The following OSBPL1A variants were observed in gnomAD, a reference collection of about 807,000 sequenced individuals.
OSBPL1A encodes the protein oxysterol binding protein like 1A.
In OSBPL1A, 80 loss-of-function variants were observed where a neutral mutation model predicts 137.1. That is an observed-to-expected ratio of 0.58 (90% confidence interval 0.49 to 0.70). The LOEUF is 0.70. Ranked by LOEUF, OSBPL1A falls within the 30% of genes least tolerant of loss-of-function variation. OSBPL1A has a pLI of 0.00. For missense variants in OSBPL1A, 970 were observed against 1,129.4 expected, an observed-to-expected ratio of 0.86 and a Z score of 2.02; for synonymous variants, 365 against 389.7, an observed-to-expected ratio of 0.94 and a Z score of 0.75.
At chr18:24,202,372 T>G (rs948947920) in intron 17 of OSBPL1A, among the ~76,000 whole-genome samples, 3 of 152,256 alleles carry the variant, frequency 2.0e-5, no homozygotes, top group Admixed American at 6.5e-5. Flanking sequence ...TTTTTTAAAT[T>G]GTTATTTTTA....
At chr18:24,210,592 G>A (rs1421518567) in intron 17 of OSBPL1A, among the ~76,000 whole-genome samples, 2 of 150,176 alleles carry the variant, frequency 1.3e-5, no homozygotes. Context: ...GGAATACGGT[G>A]GCACGATCAT....
chr18:24,341,205 C>T (rs530857062), intron 5 of OSBPL1A, among the ~76,000 whole-genome samples: 1 of 152,220 alleles, frequency 6.6e-6, no homozygotes, highest in South Asian at 2.1e-4. Context: ...AGGGGTTTCG[C>T]CATGTTGCCC....
intron 15 of OSBPL1A, among the ~76,000 whole-genome samples, chr18:24,278,440 A>C (rs2089891965): frequency 1.3e-5 from 2 of 152,358 alleles, no homozygotes; most frequent in South Asian, 4.1e-4. Context: ...GTCTGGTACT[A>C]TGCTAAGTAT....
intron 14 of OSBPL1A, among the ~76,000 whole-genome samples, chr18:24,291,376 A>G (rs2090171240): frequency 6.6e-6 from 1 of 152,200 alleles, no homozygotes; most frequent in African/African-American, 2.4e-5. Context: ...TAAGATTAGA[A>G]AGTAGAAAGT....
intron 15 of OSBPL1A, among the ~76,000 whole-genome samples, chr18:24,255,387 A>G (rs1307532703): frequency 6.6e-6 from 1 of 152,124 alleles, no homozygotes; most frequent in East Asian, 1.9e-4. Flanking sequence ...GGGGCCCCCA[A>G]ATTACTAAAC....
chr18:24,317,210 G>A lies in OSBPL1A; in HGVS notation c.809C>T (p.Pro270Leu). ...HGVLSWYRKQPDAVHNIYRQG... is the reference protein window; with the variant it reads ...HGVLSWYRKQLDAVHNIYRQG... ...GCGATAAATATTATGAACTGCATCA[G>A]GCCTTCAAAATAAAAATGAAATTAT... The change falls in exon 11 of 28, where the codon CCT becomes CTT. Residue 270 changes from proline to leucine, a missense_variant and splice_region_variant. This residue lies in a region of OSBPL1A where 647 missense variants were observed against 672.6 expected (regional missense o/e 0.96). Coordinates refer to ENST00000319481, the MANE Select transcript of OSBPL1A (RefSeq NM_080597.4). 1 of 1,613,612 alleles carries A rather than the reference G, an allele frequency of 6.2e-7. No homozygotes were observed. Among genetic ancestry groups the A allele is most frequent in the Non-Finnish European group, 8.5e-7 (1 of 1,179,844 alleles).
chr18:24,300,543 T>C (rs947090651), intron 14 of OSBPL1A, among the ~76,000 whole-genome samples: 1 of 152,210 alleles, frequency 6.6e-6, no homozygotes. Flanking sequence ...AAGGATGGAA[T>C]GCAGGGAGAG....
chr18:24,336,552 G>A lies in OSBPL1A; in HGVS notation c.395-2222C>T, dbSNP rs370761553. The stretch of plus-strand genomic sequence containing the variant: ...CGTTCTAAAGGAGCTATACATTCAT[G>A]ATGTGAACTTTTCTGCATATACTTT... On this transcript the variant is annotated intron_variant, in intron 5 of 27. Coordinates refer to ENST00000319481, the MANE Select transcript of OSBPL1A (RefSeq NM_080597.4). Among the ~76,000 whole-genome samples, 7 of 152,282 alleles carry A rather than the reference G, an allele frequency of 4.6e-5. No homozygotes were observed. The East Asian group carries it at 1.2e-3, about 25-fold the overall frequency.
intron 2 of OSBPL1A, among the ~76,000 whole-genome samples, chr18:24,374,367 CCCT>C (rs1905919496): frequency 6.6e-6 from 1 of 152,114 alleles, no homozygotes; most frequent in Non-Finnish European, 1.5e-5. Context: ...CTGAAGCCAG[CCCT>C]TTCTGGGACT....
intron 15 of OSBPL1A, among the ~76,000 whole-genome samples, chr18:24,270,783 C>T (rs553427584): frequency 1.3e-4 from 20 of 152,262 alleles, no homozygotes; most frequent in Non-Finnish European, 2.6e-4. Flanking sequence ...TCCACCAACA[C>T]ACATTTCAAG....
At chr18:24,259,198 C>A (rs377171957) in intron 15 of OSBPL1A, among the ~76,000 whole-genome samples, 1 of 152,084 alleles carries the variant, frequency 6.6e-6, no homozygotes, top group Non-Finnish European at 1.5e-5. Flanking sequence ...AGAGCCACCA[C>A]GCCTGGCCTA....
In OSBPL1A at chr18:24,267,064, AATTT is replaced by A. The variant is rs2089596873; in HGVS notation, c.1281+13774_1281+13777del. On this transcript the variant is annotated intron_variant, in intron 15 of 27. Coordinates refer to ENST00000319481, the MANE Select transcript of OSBPL1A (RefSeq NM_080597.4). Reference sequence around the variant, plus strand: ...AGGGACTGAGATTCATTTGAAAAGAAATTTATTTGGAGATATCCAAGTCAGTATT... The same window carrying A: ...AGGGACTGAGATTCATTTGAAAAGAAATTTGGAGATATCCAAGTCAGTATT... 6.6e-5 allele frequency among the ~76,000 whole-genome samples: 10 copies of A among 152,004 alleles called. No homozygotes were observed. The South Asian group carries it at 2.1e-3, about 31-fold the overall frequency.
intron 13 of OSBPL1A, among the ~76,000 whole-genome samples, chr18:24,306,012 G>A (rs569685238): frequency 1.1e-4 from 16 of 152,268 alleles, no homozygotes; most frequent in Non-Finnish European, 1.9e-4. Context: ...TTAGCAGCAT[G>A]AGAACGAACT....
chr18:24,353,166 C>T (rs957045157), intron 4 of OSBPL1A, among the ~76,000 whole-genome samples: 4 of 152,120 alleles, frequency 2.6e-5, no homozygotes, highest in African/African-American at 7.2e-5. Flanking sequence ...GCAACCTATT[C>T]GTCTGTCAAA....
chr18:24,397,081 C>A (rs1447581454), intron 1 of OSBPL1A, among the ~76,000 whole-genome samples: 1 of 152,170 alleles, frequency 6.6e-6, no homozygotes, highest in African/African-American at 2.4e-5. Context: ...ATCAGAATAA[C>A]CCTTTTCAAT....
rs1261028773 is a variant in OSBPL1A at position 24,166,662 on chromosome 18, A to C, written c.2576T>G (p.Val859Gly). The change falls in exon 26 of 28, where the codon GTA becomes GGA. Residue 859 changes from valine to glycine, a missense_variant. Physicochemically the swap from Val to Gly is moderately radical, Grantham distance 109. This residue lies in a region of OSBPL1A where 323 missense variants were observed against 456.8 expected (regional missense o/e 0.71). Transcript: ENST00000319481. The part of the protein sequence containing the change: ...FTSFAMVLNE[V>G]DKDMESVIPK... ...AATCACACTCTCCATGTCTTTGTCT[A>C]CTTCATTCAAAACCATTGCAAAACT... is the stretch of plus-strand genomic sequence containing the variant. 3 of 1,612,946 alleles carry C rather than the reference A, an allele frequency of 1.9e-6. No individual in the cohort carries two copies. Among genetic ancestry groups the C allele is most frequent in the Non-Finnish European group, 2.5e-6 (3 of 1,179,570 alleles).
rs879858765 is a variant in OSBPL1A at position 24,271,664 on chromosome 18, C to A, written c.1281+9178G>T. On this transcript the variant is annotated intron_variant, in intron 15 of 27. Coordinates refer to ENST00000319481, the MANE Select transcript of OSBPL1A (RefSeq NM_080597.4). The surrounding 1 kb of genome is among the most constrained non-coding windows in gnomAD (Gnocchi z 4.0). Reference sequence around the variant, plus strand: ...ACCCCGGCTGGCGCGCTCCACCCTGCGCTCCTCGCAAGCTCCAGCGCGAAT... The same window carrying A: ...ACCCCGGCTGGCGCGCTCCACCCTGAGCTCCTCGCAAGCTCCAGCGCGAAT... 1 of 985,904 alleles carries A rather than the reference C, an allele frequency of 1.0e-6. No homozygotes were observed. The highest frequency in any genetic ancestry group is 1.2e-6 in the Non-Finnish European group (1 of 830,280). 61.1% of individuals were successfully genotyped at this position (985,904 alleles called of 1,614,324 possible).
chr18:24,292,461 T>G (rs1182247130), intron 14 of OSBPL1A, among the ~76,000 whole-genome samples: 2 of 152,142 alleles, frequency 1.3e-5, no homozygotes, highest in Admixed American at 1.3e-4. Context: ...GTTTGAGAGA[T>G]ATAAGGTATA....
intron 7 of OSBPL1A, among the ~76,000 whole-genome samples, chr18:24,331,803 G>A (rs151168443): frequency 3.3e-5 from 5 of 152,164 alleles, no homozygotes; most frequent in African/African-American, 7.2e-5. Flanking sequence ...CATTATATAC[G>A]TATTCCATAT....
Sources: gnomAD v4.1 joint callset for allele counts (sites outside exome capture counted in the v4.1 genomes callset) on GRCh38, gnomAD v4.1.1 for gene constraint, gnomAD v4.1.1 regional missense constraint, Gnocchi (gnomAD v3.1) non-coding constraint, MANE v1.5 for transcripts, NCBI Gene and HGNC (gene_info 2026-07-23, HGNC 2026-07-21) for gene names.